ABCC3: variants seen among roughly 807,000 people sequenced by gnomAD.
The protein encoded by ABCC3 is ATP binding cassette subfamily C member 3.
Under a neutral mutation model 165.3 loss-of-function variants are expected in ABCC3, and 121 were observed. The observed-to-expected ratio is 0.73, with a 90% CI of 0.63 to 0.85. ABCC3 has a LOEUF of 0.85. ABCC3 is among the 40% of genes least tolerant of loss of function. ABCC3 has a pLI of 0.00. For missense variants in ABCC3, 1,869 were observed against 1,964.1 expected, an observed-to-expected ratio of 0.95 and a Z score of 0.92; for synonymous variants, 733 against 810.1, an observed-to-expected ratio of 0.90 and a Z score of 1.62.
At chr17:50,635,080 C>T (rs2054165981) in intron 1 of ABCC3, 99 bp downstream of exon 1, 3 of 1,205,268 alleles carry the variant, frequency 2.5e-6, no homozygotes, top group South Asian at 3.6e-5. Flanking sequence ...GCAGGTATCC[C>T]GGGACGGAGC....
chr17:50,669,639 C>G, intron 17 of ABCC3, 111 bp downstream of exon 17: 1 of 1,168,208 alleles, frequency 8.6e-7, no homozygotes, highest in East Asian at 2.4e-5. Flanking sequence ...TAACGTTATG[C>G]CCAACTCTGT....
chr17:50,635,561 C>G (rs2054171949), intron 1 of ABCC3: 1 of 702,612 alleles, frequency 1.4e-6, no homozygotes, highest in African/African-American at 1.7e-5. Flanking sequence ...CCCCACCACT[C>G]CGGACTCAGA....
intron 2 of ABCC3, 138 bp from the exon 3 acceptor site, chr17:50,656,564 C>G: frequency 8.4e-7 from 1 of 1,197,138 alleles, no homozygotes; most frequent in Non-Finnish European, 1.2e-6. Context: ...AGCTTCTGGT[C>G]AGCTCCATTC....
intron 23 of ABCC3, among the ~76,000 whole-genome samples, chr17:50,677,323 T>G (rs1467342992): frequency 2.6e-5 from 4 of 152,238 alleles, no homozygotes; most frequent in Non-Finnish European, 4.4e-5. Context: ...CAGCTAACTG[T>G]AAAAGGCCTT....
chr17:50,684,625 C>A lies in ABCC3; in HGVS notation c.4114-84C>A. The A allele has an allele frequency of 2.1e-6, 3 of 1,423,718 alleles. No individual in the cohort carries two copies. The South Asian group carries it at 4.1e-5, about 19-fold the overall frequency. The allele number at this position is 1,423,718 out of a possible 1,614,324, so 88.2% of individuals were successfully genotyped here. A position where few individuals can be genotyped will look rare whatever the true frequency, so the allele number is the denominator to read the frequency against. On this transcript the variant is annotated intron_variant, in intron 28 of 30. Transcript: ENST00000285238. ...AGAGTGGGAATGCTGCCACCTTAAT[C>A]CCTCTCTTCTTCCCTGGACCTGGGG...
At chr17:50,651,997 C>A (rs1967123527) in intron 1 of ABCC3, among the ~76,000 whole-genome samples, 1 of 152,162 alleles carries the variant, frequency 6.6e-6, no homozygotes, top group Admixed American at 6.5e-5. Flanking sequence ...CTGTTTCAGT[C>A]AAACCAACAA....
At chr17:50,646,237 A>C (rs1473158395) in intron 1 of ABCC3, among the ~76,000 whole-genome samples, 1 of 152,164 alleles carries the variant, frequency 6.6e-6, no homozygotes, top group Non-Finnish European at 1.5e-5. Context: ...TGTTCCAGGA[A>C]GAGAGAAGAG....
intron 28 of ABCC3, 111 bp from the exon 29 acceptor site, chr17:50,684,598 A>G (rs149814750): frequency 1.7e-6 from 2 of 1,202,340 alleles, no homozygotes; most frequent in African/African-American, 3.1e-5. Context: ...GGAGCTGGAA[A>G]CAGAGTGGGA....
chr17:50,691,160 G>C lies in ABCC3; in HGVS notation c.4544G>C (p.Gly1515Ala), dbSNP rs141186118. The C allele has an allele frequency of 6.2e-7, 1 of 1,614,158 alleles. No homozygotes were observed. Among genetic ancestry groups the C allele is most frequent in the Non-Finnish European group, 8.5e-7 (1 of 1,179,986 alleles). Reference protein sequence around the residue: ...DSPANLIAARGIFYGMARDAG... With the variant: ...DSPANLIAARAIFYGMARDAG... ...CCAGCCAACCTCATTGCAGCTAGAG[G>C]CATCTTCTACGGGATGGCCAGAGAT... The change falls in exon 31 of 31, where the codon GGC becomes GCC. Residue 1515 changes from glycine to alanine, a missense_variant. Physicochemically the swap from Gly to Ala is moderately conservative, Grantham distance 60. Coordinates refer to ENST00000285238, the MANE Select transcript of ABCC3 (RefSeq NM_003786.4).
At chr17:50,656,866 T>G in intron 3 of ABCC3, 39 bp downstream of exon 3, 1 of 1,579,810 alleles carries the variant, frequency 6.3e-7, no homozygotes, top group African/African-American at 1.4e-5. Context: ...GGGGGAGGTC[T>G]CCATTGGGTT....
rs776396936 is a variant in ABCC3 at position 50,675,428 on chromosome 17, TGACA to T, written c.2671_2674del (p.Asp891MetfsTer13). The T allele has an allele frequency of 6.2e-7, 1 of 1,613,938 alleles. No homozygotes were observed. The highest frequency in any genetic ancestry group is 8.5e-7 in the Non-Finnish European group (1 of 1,179,988). On this transcript the variant is annotated frameshift_variant, in exon 20 of 31. Transcript: ENST00000285238. LOFTEE classifies it high-confidence loss of function. ...GACACACTCAGCAACCACACGGATC[TGACA>T]GACAATGATCCAGTCACCTATGTGG...
rs550964364 is a variant in ABCC3, at chr17:50,667,171, T to C, written c.1432-383T>C. On this transcript the variant is annotated intron_variant, in intron 11 of 30. Coordinates refer to ENST00000285238, the MANE Select transcript of ABCC3 (RefSeq NM_003786.4). ...AGGAGTTTGAGGCTGCAGTGAGCTATGATTGTACCACTGCAGTCCAGCCTG... is the reference window on the plus strand; with the variant it reads ...AGGAGTTTGAGGCTGCAGTGAGCTACGATTGTACCACTGCAGTCCAGCCTG... Among the ~76,000 whole-genome samples the C allele has an allele frequency of 6.6e-5, 10 of 152,198 alleles. No homozygotes were observed. In the East Asian group the frequency reaches 1.5e-3, roughly 24 times the overall value.
intron 1 of ABCC3, among the ~76,000 whole-genome samples, chr17:50,653,344 C>CAAAAAAAA (rs1298179994): frequency 4.2e-5 from 2 of 47,728 alleles, no homozygotes; most frequent in African/African-American, 1.4e-4. Context: ...GAGACTGTCT[C>CAAAAAAAA]AAAAAAAAAA....
chr17:50,656,876 T>A, intron 3 of ABCC3, 49 bp downstream of exon 3: 1 of 1,571,494 alleles, frequency 6.4e-7, no homozygotes, highest in Non-Finnish European at 8.6e-7. Flanking sequence ...TCCATTGGGT[T>A]GTGGACTGTG....
Position 50,691,164 on chromosome 17 carries a change from C to A in ABCC3, c.4548C>A (p.Ile1516=). 1 of 1,614,144 alleles carries A rather than the reference C, an allele frequency of 6.2e-7. No homozygotes were observed. The highest frequency in any genetic ancestry group is 2.2e-5 in the East Asian group (1 of 44,888). The part of the protein sequence containing the change: ...SPANLIAARG[I]FYGMARDAGL... ...CCAACCTCATTGCAGCTAGAGGCAT[C>A]TTCTACGGGATGGCCAGAGATGCTG... Residue 1516 remains isoleucine, a synonymous_variant, in exon 31 of 31, where the codon ATC becomes ATA. Transcript: ENST00000285238.
chr17:50,675,482 T>C lies in ABCC3; in HGVS notation c.2714+6T>C. 1 of 1,609,654 alleles carries C rather than the reference T, an allele frequency of 6.2e-7. No homozygotes were observed. Among genetic ancestry groups the C allele is most frequent in the Non-Finnish European group, 8.5e-7 (1 of 1,177,064 alleles). On this transcript the variant is annotated splice_donor_region_variant and intron_variant, in intron 20 of 30. Coordinates refer to ENST00000285238, the MANE Select transcript of ABCC3 (RefSeq NM_003786.4). ...GTCCAGAAGCAGTTTATGAGGTGAG[T>C]TCCTGAGAGCTCCCAGCCCTCCCGG...
At chr17:50,667,415 C>T (rs1967546744) in intron 11 of ABCC3, 139 bp from the exon 12 acceptor site, 1 of 782,566 alleles carries the variant, frequency 1.3e-6, no homozygotes, top group South Asian at 1.7e-5. Flanking sequence ...AGCACAGGCC[C>T]AGCAAGGAGT....
rs1597860071 is a variant in ABCC3, at chr17:50,679,604, G to A, written c.3706-194G>A. On this transcript the variant is annotated intron_variant, in intron 25 of 30. Coordinates refer to ENST00000285238, the MANE Select transcript of ABCC3 (RefSeq NM_003786.4). Reference sequence around the variant, plus strand: ...GGTGGTCCTTGGTTAAGTCTGCACTGTCACTGCCCAAGGGAGTCATTCGTG... The same window carrying A: ...GGTGGTCCTTGGTTAAGTCTGCACTATCACTGCCCAAGGGAGTCATTCGTG... 1.3e-5 allele frequency: 7 copies of A among 536,406 alleles called. No individual in the cohort carries two copies. In the East Asian group the frequency reaches 2.1e-4, roughly 16 times the overall value. 33.2% of individuals were successfully genotyped at this position (536,406 alleles called of 1,614,324 possible). A position where few individuals can be genotyped will look rare whatever the true frequency, so the allele number is the denominator to read the frequency against.
In ABCC3 at chr17:50,663,753, C is replaced by G. The variant is rs200304810; in HGVS notation, c.1071C>G (p.Phe357Leu). 16 of 1,614,096 alleles carry G rather than the reference C, an allele frequency of 9.9e-6. No individual in the cohort carries two copies. Among genetic ancestry groups the G allele is most frequent in the Non-Finnish European group, 1.4e-5 (16 of 1,180,050 alleles). Residue 357 changes from phenylalanine (F) to leucine (L), a missense_variant, in exon 9 of 31, where the codon TTC (phenylalanine) becomes TTG (leucine). Phe to Leu is a conservative substitution (Grantham distance 22). Transcript: ENST00000285238. ...WWGFLVAGLM[F>L]LCSMMQSLIL... ...GCTTCCTGGTGGCTGGGCTGATGTT[C>G]CTGTGCTCCATGATGCAGTCGCTGA...
Sources: allele counts gnomAD v4.1 joint callset (sites outside exome capture counted in the v4.1 genomes callset), GRCh38; gene constraint gnomAD v4.1.1; transcripts MANE v1.5; gene names NCBI Gene and HGNC (gene_info 2026-07-23, HGNC 2026-07-21).